Variants in RB1CC1 observed in about 807,000 individuals in gnomAD.
RB1CC1 encodes RB1-inducible coiled-coil protein 1.
A neutral mutation model predicts 177.5 loss-of-function variants in RB1CC1; 46 were observed. The observed-to-expected ratio is 0.26, with a 90% confidence interval of 0.20 to 0.33. The LOEUF is 0.33. Among genes scored for constraint, RB1CC1 ranks in the 10% least tolerant of loss-of-function variants. The pLI is 1.00. For missense variants in RB1CC1, 1,703 were observed against 1,816.3 expected (o/e 0.94, Z 1.13); for synonymous variants, 666 against 613.6 (o/e 1.09, Z -1.26).
chr8:52,676,863 T>C (rs1853178594), intron 5 of RB1CC1, among the ~76,000 whole-genome samples: 1 of 152,212 alleles, frequency 6.6e-6, no homozygotes, highest in African/African-American at 2.4e-5. Context: ...ATGATCAACA[T>C]CTGCCATCTC....
chr8:52,642,947 T>C (rs1048977952), intron 16 of RB1CC1, 135 bp from the exon 17 acceptor site: 1 of 1,043,898 alleles, frequency 9.6e-7, no homozygotes, highest in African/African-American at 1.7e-5. Context: ...ATGAAATGTT[T>C]TAAAAATGAA....
chr8:52,674,058 T>A lies in RB1CC1; in HGVS notation c.789A>T (p.Glu263Asp), dbSNP rs1423051835. The A allele has an allele frequency of 5.6e-6, 9 of 1,614,070 alleles. No homozygotes were observed. The African/African-American group carries it at 9.3e-5, about 17-fold the overall frequency. ...SLLTSFPKSV[E>D]HVSPDTADAE... is the part of the protein sequence containing the mutation. The stretch of plus-strand genomic sequence containing the variant: ...CATCTGCGGTATCTGGGGACACATG[T>A]TCCACTGACTTGGGAAATGAGGTTA... The change falls in exon 7 of 24, where the codon GAA becomes GAT. Residue 263 changes from glutamate (E) to aspartate (D), a missense_variant. Transcript: ENST00000025008.
intron 1 of RB1CC1, among the ~76,000 whole-genome samples, chr8:52,688,294 C>T (rs557517422): frequency 6.6e-6 from 1 of 152,280 alleles, no homozygotes; most frequent in East Asian, 1.9e-4. Flanking sequence ...AGCCTATAAA[C>T]ATATGTGCAA....
chr8:52,634,187 T>A (rs1283060794), intron 20 of RB1CC1, among the ~76,000 whole-genome samples: 1 of 151,984 alleles, frequency 6.6e-6, no homozygotes, highest in Non-Finnish European at 1.5e-5. Context: ...CAGTACCACA[T>A]GGGATCTCTT....
At chr8:52,660,498 A>T in intron 12 of RB1CC1, 98 bp downstream of exon 12, 1 of 1,175,362 alleles carries the variant, frequency 8.5e-7, no homozygotes, top group Non-Finnish European at 1.2e-6. Context: ...TTTTTAAACC[A>T]CAACAATTTC....
At chr8:52,659,814 C>G (rs547608586) in intron 12 of RB1CC1, among the ~76,000 whole-genome samples, 1 of 152,212 alleles carries the variant, frequency 6.6e-6, no homozygotes, top group African/African-American at 2.4e-5. Flanking sequence ...CTGGCCAACA[C>G]GGTGAAACCC....
intron 7 of RB1CC1, 50 bp downstream of exon 7, chr8:52,673,795 A>G: frequency 6.9e-7 from 1 of 1,451,086 alleles, no homozygotes; most frequent in South Asian, 1.4e-5. Context: ...TAGGATAAAT[A>G]ATATAAAGTA....
chr8:52,668,290 T>C (rs1852253080), intron 7 of RB1CC1, 99 bp from the exon 8 acceptor site: 1 of 1,366,870 alleles, frequency 7.3e-7, no homozygotes, highest in Non-Finnish European at 9.8e-7. Context: ...AAATAAGTGA[T>C]AAAAGATATA....
At chr8:52,637,074 T>C (rs1696098178) in intron 18 of RB1CC1, among the ~76,000 whole-genome samples, 1 of 152,208 alleles carries the variant, frequency 6.6e-6, no homozygotes, top group African/African-American at 2.4e-5. Context: ...TGCAATTCCA[T>C]ATGAATTTTA....
intron 6 of RB1CC1, among the ~76,000 whole-genome samples, chr8:52,676,077 ACATAAG>A (rs1853097392): frequency 6.6e-6 from 1 of 152,202 alleles, no homozygotes; most frequent in Admixed American, 6.5e-5. Context: ...AGTGGACAAG[ACATAAG>A]CAAAGATTCT....
Position 52,642,477 on chromosome 8 carries a change from G to T in RB1CC1, c.4211C>A (p.Ala1404Asp). The change falls in exon 18 of 24, where the codon GCT (alanine) becomes GAT (aspartate). Residue 1404 changes from alanine to aspartate, a missense_variant. Transcript: ENST00000025008. Reference sequence around the variant, plus strand: ...AGCTCCATAAAGTTCTGGGGCTGTAGCTACATATGGTGAAGGAACAAAACT... The same window carrying T: ...AGCTCCATAAAGTTCTGGGGCTGTATCTACATATGGTGAAGGAACAAAACT... ...SSSFVPSPYV[A>D]TAPELYGACA... The T allele has an allele frequency of 6.2e-7, 1 of 1,614,052 alleles. No homozygotes were observed. Among genetic ancestry groups the T allele is most frequent in the South Asian group, 1.1e-5 (1 of 91,086 alleles).
In RB1CC1 at chr8:52,683,643, A is replaced by C; in HGVS notation, c.275T>G (p.Phe92Cys). Residue 92 changes from phenylalanine (F) to cysteine (C), a missense_variant, in exon 5 of 24, where the codon TTT becomes TGT. Phe to Cys is a radical substitution (Grantham distance 205). Around this residue, in one of 6 missense-constraint regions of RB1CC1, gnomAD observed 118 missense variants for 121.2 expected, o/e 0.97. Transcript: ENST00000025008. The stretch of plus-strand genomic sequence containing the variant: ...TATTTCCATGTCATTTTCTGTCGAA[A>C]AGGTAGTTTTAGGAATAGCAGGTGG... ...DRPPAIPKTTFSTENDMEIKV... is the reference protein window; with the variant it reads ...DRPPAIPKTTCSTENDMEIKV... 1 of 1,612,714 alleles carries C rather than the reference A, an allele frequency of 6.2e-7. No homozygotes were observed. The highest frequency in any genetic ancestry group is 8.5e-7 in the Non-Finnish European group (1 of 1,179,394).
chr8:52,646,904 T>C (rs1307503010), intron 15 of RB1CC1, among the ~76,000 whole-genome samples: 45 of 152,188 alleles, frequency 3.0e-4, no homozygotes, highest in Admixed American at 2.8e-3. Context: ...CCCATTAGTA[T>C]TAAAACATGC....
intron 18 of RB1CC1, among the ~76,000 whole-genome samples, chr8:52,640,536 C>T (rs2150405362): frequency 6.6e-6 from 1 of 152,208 alleles, no homozygotes; most frequent in South Asian, 2.1e-4. Context: ...AAGCCTTTTG[C>T]TTTGAATTGC....
rs565063070 is a variant in RB1CC1, at chr8:52,632,351, C to T, written c.4441-1823G>A. Among the ~76,000 whole-genome samples the T allele has an allele frequency of 9.9e-5, 15 of 152,148 alleles. 1 individual carries two copies. The highest frequency in any genetic ancestry group is 1.5e-4 in the Non-Finnish European group (10 of 68,030). On this transcript the variant is annotated intron_variant, in intron 20 of 23. Coordinates refer to ENST00000025008, the MANE Select transcript of RB1CC1 (RefSeq NM_014781.5). The stretch of plus-strand genomic sequence containing the variant: ...TGAATTTCCTCCACTTCCCTCTGAA[C>T]GCTATCTGGTACAATGCAGGGTTTT...
intron 18 of RB1CC1, among the ~76,000 whole-genome samples, chr8:52,641,444 C>A (rs1292891768): frequency 6.7e-5 from 10 of 149,202 alleles, no homozygotes; most frequent in African/African-American, 2.5e-4. Flanking sequence ...CCCAAAGCAA[C>A]CCTGCTGGTG....
intron 2 of RB1CC1, 47 bp downstream of exon 2, chr8:52,686,806 A>G: frequency 2.8e-6 from 1 of 361,810 alleles, no homozygotes; most frequent in Non-Finnish European, 5.4e-6. Context: ...CATTATTTTA[A>G]AGGCAATAGA....
At chr8:52,629,088 T>C (rs749270570) in intron 21 of RB1CC1, among the ~76,000 whole-genome samples, 20 of 152,258 alleles carry the variant, frequency 1.3e-4, no homozygotes, top group South Asian at 2.1e-4. Flanking sequence ...GAACGGCCCA[T>C]TGACATGACA....
chr8:52,692,689 TA>T (rs1854996200), intron 1 of RB1CC1, among the ~76,000 whole-genome samples: 1 of 152,222 alleles, frequency 6.6e-6, no homozygotes, highest in South Asian at 2.1e-4. Flanking sequence ...GTAGTAAGCA[TA>T]TTCTATGACT....
Sources: allele counts gnomAD v4.1 joint callset (sites outside exome capture counted in the v4.1 genomes callset), GRCh38; gene constraint gnomAD v4.1.1; regional missense constraint gnomAD v4.1.1; transcripts MANE v1.5; gene names NCBI Gene and HGNC (gene_info 2026-07-23, HGNC 2026-07-21).